TSGA10IP: variants seen among roughly 807,000 people sequenced by gnomAD.
TSGA10IP encodes the protein testis specific 10 interacting protein.
TSGA10IP carries 64 observed loss-of-function variants against 63.2 expected under a neutral mutation model. That is an observed-to-expected ratio of 1.01 (90% confidence interval 0.83 to 1.25). The LOEUF (loss-of-function observed/expected upper bound fraction) is 1.25. Among genes scored for constraint, TSGA10IP ranks in the 50% most tolerant of loss-of-function variants. TSGA10IP has a pLI of 0.00. For missense variants in TSGA10IP, 681 were observed against 710.1 expected (o/e 0.96, Z 0.47); for synonymous variants, 316 against 298.3 (o/e 1.06, Z -0.61).
At chr11:65,959,835 G>C in exon 8 of TSGA10IP, 1 of 1,571,504 alleles carries the variant, frequency 6.4e-7, no homozygotes, top group East Asian at 2.4e-5. Flanking sequence ...GGTCAATGGG[G>C]GTGAGAATGG....
At position 65,959,802 on chromosome 11, in the gene TSGA10IP, A is replaced by G. The variant is rs752574700; in HGVS notation, c.1548-15A>G. On this transcript the variant is annotated splice_polypyrimidine_tract_variant and intron_variant, in intron 7 of 7. Coordinates refer to ENST00000532620, the Ensembl canonical transcript of TSGA10IP. ...GGGAGCTGCAGAGTCAGGGGCCTCT[A>G]TCTGTGTCTTGAAGGAGCCACAGGT... is the stretch of plus-strand genomic sequence containing the variant. The G allele has an allele frequency of 3.9e-6, 6 of 1,549,254 alleles. No individual in the cohort carries two copies. In the African/African-American group the frequency reaches 8.2e-5, roughly 21 times the overall value.
intron 4 of TSGA10IP, among the ~76,000 whole-genome samples, chr11:65,948,385 C>G (rs1451449154): frequency 6.6e-6 from 1 of 152,176 alleles, no homozygotes; most frequent in Non-Finnish European, 1.5e-5. Context: ...CTCTCAATAC[C>G]TGGCCAATTA....
At position 65,959,845 on chromosome 11, in the gene TSGA10IP, G is replaced by C; in HGVS notation, c.1576G>C (p.Glu526Gln). Residue 526 changes from glutamate to glutamine, a missense_variant, in exon 8 of 8, where the codon GAG (glutamate) becomes CAG (glutamine). Transcript: ENST00000532620. ...CCACAGGTCAATGGGGGTGAGAATGGAGCACTCTCCTCAGAGGCCCCCAAG... is the reference window on the plus strand; with the variant it reads ...CCACAGGTCAATGGGGGTGAGAATGCAGCACTCTCCTCAGAGGCCCCCAAG... 1 of 1,581,786 alleles carries C rather than the reference G, an allele frequency of 6.3e-7. No individual in the cohort carries two copies. The highest frequency in any genetic ancestry group is 1.1e-5 in the South Asian group (1 of 87,096).
At chr11:65,957,387 G>C (rs970344966) in intron 5 of TSGA10IP, among the ~76,000 whole-genome samples, 1 of 152,176 alleles carries the variant, frequency 6.6e-6, no homozygotes, top group Non-Finnish European at 1.5e-5. Context: ...CTGACCTCGA[G>C]ATCTGCCCGC....
intron 5 of TSGA10IP, among the ~76,000 whole-genome samples, chr11:65,954,679 G>T (rs1239780315): frequency 6.6e-6 from 1 of 152,038 alleles, no homozygotes; most frequent in Non-Finnish European, 1.5e-5. Flanking sequence ...GTAGCCAGGT[G>T]CGGTGGCACA....
rs372537055 is a variant in TSGA10IP, at chr11:65,958,782, G to A, written c.1323-101G>A. On this transcript the variant is annotated intron_variant, in intron 5 of 7. Coordinates refer to ENST00000532620, the Ensembl canonical transcript of TSGA10IP. ...AATAGCTTTGTAAAGGTGAGGGTGAGGACATGAATATCAAGTCCTTAGTGA... is the reference window on the plus strand; with the variant it reads ...AATAGCTTTGTAAAGGTGAGGGTGAAGACATGAATATCAAGTCCTTAGTGA... The A allele has an allele frequency of 9.6e-5, 87 of 905,102 alleles. 2 individuals carry two copies. In the South Asian group the frequency reaches 1.3e-3, roughly 13 times the overall value. The allele number at this position is 905,102 out of a possible 1,614,324, so 56.1% of individuals were successfully genotyped here.
intron 4 of TSGA10IP, among the ~76,000 whole-genome samples, chr11:65,952,485 G>A (rs1022970537): frequency 6.6e-6 from 1 of 151,872 alleles, no homozygotes; most frequent in Non-Finnish European, 1.5e-5. Context: ...GTCTCAATCT[G>A]TCACCCAGGC....
chr11:65,951,518 T>TTTTTTA (rs56793895), intron 4 of TSGA10IP, among the ~76,000 whole-genome samples: 12 of 139,112 alleles, frequency 8.6e-5, no homozygotes, highest in East Asian at 8.2e-4. Flanking sequence ...ATTTGCTTAT[T>TTTTTTA]TTATTATTAT....
intron 4 of TSGA10IP, among the ~76,000 whole-genome samples, chr11:65,952,802 A>G (rs1854962952): frequency 6.6e-6 from 1 of 151,998 alleles, no homozygotes; most frequent in Admixed American, 6.6e-5. Flanking sequence ...CTGGGGTTAC[A>G]GGTGTGAGCC....
At position 65,946,875 on chromosome 11, in the gene TSGA10IP, C is replaced by T. The variant is rs1292809438; in HGVS notation, c.148-5C>T. On this transcript the variant is annotated splice_polypyrimidine_tract_variant and splice_region_variant and intron_variant, in intron 1 of 7. Transcript: ENST00000532620. ...GGCTGCTCCTCCCCTACTGTCTCTGCCCAGGGCTGCCTGGGGAGTGGTGAT... is the reference window on the plus strand; with the variant it reads ...GGCTGCTCCTCCCCTACTGTCTCTGTCCAGGGCTGCCTGGGGAGTGGTGAT... The T allele has an allele frequency of 6.2e-7, 1 of 1,613,360 alleles. No homozygotes were observed. Among genetic ancestry groups the T allele is most frequent in the African/African-American group, 1.3e-5 (1 of 75,034 alleles).
exon 3 of TSGA10IP, chr11:65,947,807 C>G (rs746224120): frequency 6.4e-7 from 1 of 1,568,464 alleles, no homozygotes; most frequent in Middle Eastern, 1.7e-4. Flanking sequence ...GCACAGGCAG[C>G]TACAGAGAGA....
At chr11:65,946,000 G>C in intron 1 of TSGA10IP, 178 bp downstream of exon 1, 1 of 679,610 alleles carries the variant, frequency 1.5e-6, no homozygotes, top group South Asian at 1.9e-5. Flanking sequence ...GAGAAGCCGA[G>C]GGATGACGCC....
At chr11:65,953,864 G>A (rs536326027) in intron 5 of TSGA10IP, 127 bp downstream of exon 5, 1,415 of 743,068 alleles carry the variant, frequency 1.9e-3, no homozygotes, top group South Asian at 4.2e-3. Flanking sequence ...ACTTCACCGC[G>A]TTTCCAGATA....
At chr11:65,945,658 G>T (rs376181848) in exon 1 of TSGA10IP, 1 of 1,612,196 alleles carries the variant, frequency 6.2e-7, no homozygotes, top group Non-Finnish European at 8.5e-7. Context: ...CTACGGTGCG[G>T]ATGGGGGATG....
At chr11:65,948,397 C>G (rs1225138023) in intron 4 of TSGA10IP, among the ~76,000 whole-genome samples, 1 of 152,188 alleles carries the variant, frequency 6.6e-6, no homozygotes, top group Non-Finnish European at 1.5e-5. Flanking sequence ...GGCCAATTAT[C>G]TATTGATACA....
In TSGA10IP at chr11:65,951,994, C is replaced by T. The variant is rs144000140; in HGVS notation, c.1152-1573C>T. ...CCTCCTGAGTAGCTGGGATTACAGA[C>T]GTACATCACGAGGTCTGCCTAATTT... is the stretch of plus-strand genomic sequence containing the variant. On this transcript the variant is annotated intron_variant, in intron 4 of 7. Transcript: ENST00000532620. 1.7e-3 allele frequency among the ~76,000 whole-genome samples: 257 copies of T among 152,116 alleles called. 4 individuals are homozygous for T. Among genetic ancestry groups the T allele is most frequent in the African/African-American group, 6.0e-3 (248 of 41,484 alleles).
chr11:65,947,226 C>T (rs1415014730), exon 3 of TSGA10IP: 1 of 1,608,996 alleles, frequency 6.2e-7, no homozygotes, highest in Non-Finnish European at 8.5e-7. Flanking sequence ...GGCCACCAAG[C>T]CCTGCCCATG....
intron 4 of TSGA10IP, 47 bp from the exon 5 acceptor site, chr11:65,953,520 T>C (rs1211606010): frequency 2.0e-6 from 3 of 1,498,938 alleles, no homozygotes; most frequent in Non-Finnish European, 1.8e-6. Flanking sequence ...TCCGTGAGGC[T>C]CCTGCTGCCC....
rs780552395 is a variant in TSGA10IP at position 65,959,943 on chromosome 11, T to G, written c.*3T>G. 10 of 1,613,058 alleles carry G rather than the reference T, an allele frequency of 6.2e-6. No homozygotes were observed. In the South Asian group the frequency reaches 1.1e-4, roughly 18 times the overall value. Reference sequence around the variant, plus strand: ...TGGACCCGGAGTGCAGTCCCTGAGATAAAATTAAAGGCTTTATGGCAAACA... The same window carrying G: ...TGGACCCGGAGTGCAGTCCCTGAGAGAAAATTAAAGGCTTTATGGCAAACA... On this transcript the variant is annotated 3_prime_UTR_variant, in exon 8 of 8. Transcript: ENST00000532620.
Sources: allele counts gnomAD v4.1 joint callset (sites outside exome capture counted in the v4.1 genomes callset), GRCh38; gene constraint gnomAD v4.1.1; transcripts MANE v1.5; gene names NCBI Gene and HGNC (gene_info 2026-07-23, HGNC 2026-07-21).